CERKL: variants seen among roughly 807,000 people sequenced by gnomAD.
The protein encoded by CERKL is CERK like autophagy regulator, also known as ceramide kinase-like protein.
A neutral mutation model predicts 63.4 loss-of-function variants in CERKL; 61 were observed. That is an observed-to-expected ratio of 0.96 (90% CI 0.78 to 1.19). The LOEUF (loss-of-function observed/expected upper bound fraction) is 1.19, where lower values mean the gene tolerates loss of function less well. CERKL is among the 50% of genes most tolerant of loss of function. The pLI, the probability that CERKL is intolerant of heterozygous loss-of-function variation, is 0.00. For synonymous variants in CERKL, 250 were observed against 230.5 expected (o/e 1.08, Z -0.77); for missense variants, 675 against 655.5 (o/e 1.03, Z -0.33).
chr2:181,587,328 T>C (rs1168704625), intron 2 of CERKL, among the ~76,000 whole-genome samples: 4 of 152,188 alleles, frequency 2.6e-5, no homozygotes, highest in African/African-American at 9.6e-5. Flanking sequence ...GAACAGTAAT[T>C]AGCAGAATCA....
chr2:181,559,118 C>T (rs1166607505), intron 4 of CERKL, among the ~76,000 whole-genome samples: 4 of 152,114 alleles, frequency 2.6e-5, no homozygotes, highest in Non-Finnish European at 5.9e-5. Context: ...CTCAATAAAG[C>T]TCTGAAAAGA....
chr2:181,591,183 AG>A (rs1311148739), intron 2 of CERKL, among the ~76,000 whole-genome samples: 2 of 152,166 alleles, frequency 1.3e-5, no homozygotes, highest in African/African-American at 4.8e-5. Flanking sequence ...TGTGTAAAAA[AG>A]TATAAAAATT....
chr2:181,593,651 G>T (rs1685077188), intron 2 of CERKL, among the ~76,000 whole-genome samples: 1 of 151,798 alleles, frequency 6.6e-6, no homozygotes, highest in Non-Finnish European at 1.5e-5. Context: ...GATTTCAAAG[G>T]ACCCTCTCTT....
chr2:181,538,050 T>C lies in CERKL; in HGVS notation c.*134A>G, dbSNP rs1351079235. ...GGTGGAACAGTTCATCCTGAAACCA[T>C]TCCCCCATCCACGGAAAAATTGTCT... On this transcript the variant is annotated 3_prime_UTR_variant, in exon 13 of 13. Coordinates refer to ENST00000410087, the MANE Select transcript of CERKL (RefSeq NM_201548.5). The C allele has an allele frequency of 1.4e-6, 1 of 705,098 alleles. No individual in the cohort carries two copies. The highest frequency in any genetic ancestry group is 1.8e-5 in the African/African-American group (1 of 56,910). 43.7% of individuals were successfully genotyped at this position (705,098 alleles called of 1,614,324 possible). A position where few individuals can be genotyped will look rare whatever the true frequency, so the allele number is the denominator to read the frequency against.
chr2:181,652,106 T>A (rs1687963751), intron 1 of CERKL, among the ~76,000 whole-genome samples: 1 of 152,222 alleles, frequency 6.6e-6, no homozygotes, highest in African/African-American at 2.4e-5. Flanking sequence ...TTAATGCAAT[T>A]GCTATCAGAA....
chr2:181,601,993 CTG>C (rs1386808339), intron 2 of CERKL, among the ~76,000 whole-genome samples: 1 of 152,156 alleles, frequency 6.6e-6, no homozygotes, highest in Non-Finnish European at 1.5e-5. Context: ...TTATTCATCT[CTG>C]TAATTTGTCT....
chr2:181,577,510 T>A (rs1684303253), intron 2 of CERKL, among the ~76,000 whole-genome samples: 1 of 152,206 alleles, frequency 6.6e-6, no homozygotes, highest in African/African-American at 2.4e-5. Context: ...CAAGGAAAGC[T>A]ATACAGTCCT....
At chr2:181,576,358 T>A (rs1684214445) in intron 2 of CERKL, among the ~76,000 whole-genome samples, 1 of 152,188 alleles carries the variant, frequency 6.6e-6, no homozygotes, top group African/African-American at 2.4e-5. Flanking sequence ...CAATTATTAA[T>A]ACAAAGGGCA....
In CERKL at chr2:181,644,683, G is replaced by A. The variant is rs958605160; in HGVS notation, c.238+12086C>T. ...ACGCAAAGTTGAAAAGAACCTCAAG[G>A]AGCTTAACATATAATGGGGGAAAAA... On this transcript the variant is annotated intron_variant, in intron 1 of 12. Coordinates refer to ENST00000410087, the MANE Select transcript of CERKL (RefSeq NM_201548.5). Among the ~76,000 whole-genome samples the A allele has an allele frequency of 4.6e-5, 7 of 152,190 alleles. No individual in the cohort carries two copies. The South Asian group carries it at 6.2e-4, about 14-fold the overall frequency.
intron 5 of CERKL, among the ~76,000 whole-genome samples, chr2:181,554,261 G>A (rs1185419220): frequency 1.3e-5 from 2 of 151,288 alleles, no homozygotes; most frequent in African/African-American, 4.9e-5. Context: ...TCATAAGGCT[G>A]TTAATGTCTC....
At chr2:181,594,809 T>C (rs535770942) in intron 2 of CERKL, among the ~76,000 whole-genome samples, 1 of 152,326 alleles carries the variant, frequency 6.6e-6, no homozygotes, top group African/African-American at 2.4e-5. Flanking sequence ...AGCACATAGC[T>C]GCTGCAAATA....
intron 2 of CERKL, among the ~76,000 whole-genome samples, chr2:181,592,990 TA>T (rs1236416525): frequency 6.6e-6 from 1 of 152,134 alleles, no homozygotes; most frequent in African/African-American, 2.4e-5. Flanking sequence ...ATGGATTCTA[TA>T]GAAGCTCAAT....
Position 181,558,791 on chromosome 2 carries a change from T to A in CERKL, c.678-83A>T. 2.1e-6 allele frequency: 3 copies of A among 1,417,630 alleles called. No homozygotes were observed. The highest frequency in any genetic ancestry group is 3.0e-6 in the Non-Finnish European group (3 of 1,010,478). The allele number at this position is 1,417,630 out of a possible 1,614,324, so 87.8% of individuals were successfully genotyped here. On this transcript the variant is annotated intron_variant, in intron 4 of 12. Coordinates refer to ENST00000410087, the MANE Select transcript of CERKL (RefSeq NM_201548.5). This position sits in a 1 kb window ranked among gnomAD's most constrained non-coding sequence, Gnocchi z 4.2. ...CATGAAATCTAGACTTCAAAATAGT[T>A]TACTAATTTGTAGTCTATGTGCATA...
chr2:181,636,930 G>C (rs532621279), intron 1 of CERKL, among the ~76,000 whole-genome samples: 2 of 152,124 alleles, frequency 1.3e-5, no homozygotes, highest in South Asian at 4.1e-4. Flanking sequence ...ATATCTTCCT[G>C]AAGATTGTGA....
intron 5 of CERKL, among the ~76,000 whole-genome samples, chr2:181,555,563 C>T (rs1688166050): frequency 6.6e-6 from 1 of 152,042 alleles, no homozygotes; most frequent in African/African-American, 2.4e-5. Context: ...GCTCTGTCAA[C>T]TTATCAACAA....
intron 1 of CERKL, among the ~76,000 whole-genome samples, chr2:181,632,276 G>A (rs1308764960): frequency 6.6e-6 from 1 of 152,048 alleles, no homozygotes; most frequent in Non-Finnish European, 1.5e-5. Context: ...GGGATTAGAG[G>A]AACAAAGGAA....
intron 4 of CERKL, among the ~76,000 whole-genome samples, chr2:181,562,286 T>G (rs1270718913): frequency 2.0e-5 from 3 of 152,158 alleles, no homozygotes; most frequent in Non-Finnish European, 2.9e-5. Context: ...GCCAAACCAA[T>G]GAATACCCTA....
rs181841632 is a variant in CERKL, at chr2:181,565,805, G to C, written c.677+253C>G. Among the ~76,000 whole-genome samples, 672 of 152,186 alleles carry C rather than the reference G, an allele frequency of 4.4e-3. 4 individuals carry two copies. Among genetic ancestry groups the C allele is most frequent in the African/African-American group, 0.015 (638 of 41,542 alleles). ...AAATGTATGCACATTAGTAAGTATA[G>C]AGTAGTACACTGTCATTTCCCAGTA... On this transcript the variant is annotated intron_variant, in intron 4 of 12. Transcript: ENST00000410087.
At chr2:181,635,400 T>C (rs561078462) in intron 1 of CERKL, among the ~76,000 whole-genome samples, 1 of 152,248 alleles carries the variant, frequency 6.6e-6, no homozygotes, top group Admixed American at 6.5e-5. Flanking sequence ...ATGACAAAAA[T>C]GTATCCATGT....
Sources: gnomAD v4.1 joint callset for allele counts (sites outside exome capture counted in the v4.1 genomes callset) on GRCh38, gnomAD v4.1.1 for gene constraint, Gnocchi (gnomAD v3.1) non-coding constraint, MANE v1.5 for transcripts, NCBI Gene and HGNC (gene_info 2026-07-23, HGNC 2026-07-21) for gene names.